Variants in RPA1 observed in about 807,000 individuals in gnomAD.
RPA1 encodes replication protein A1.
RPA1 carries 49 observed loss-of-function variants against 83.0 expected under a neutral mutation model. The ratio of observed to expected loss-of-function variants is 0.59; its 90% CI spans 0.47 to 0.75. The LOEUF (loss-of-function observed/expected upper bound fraction) is 0.75. RPA1 is among the 30% of genes least tolerant of loss of function. The pLI, the probability that RPA1 is intolerant of heterozygous loss-of-function variation, is 0.00. For synonymous variants in RPA1, 279 were observed against 281.8 expected (o/e 0.99, Z 0.10); for missense variants, 693 against 776.1 (o/e 0.89, Z 1.27).
intron 12 of RPA1, among the ~76,000 whole-genome samples, chr17:1,881,729 A>T (rs768241650): frequency 6.6e-6 from 1 of 152,230 alleles, no homozygotes; most frequent in African/African-American, 2.4e-5. Context: ...GTCAATAATC[A>T]TGATCCCAGT....
At chr17:1,832,716 G>A (rs1331785456) in intron 1 of RPA1, among the ~76,000 whole-genome samples, 2 of 152,080 alleles carry the variant, frequency 1.3e-5, no homozygotes, top group African/African-American at 4.8e-5. Context: ...ATGACTTGAG[G>A]CAAGATACTA....
intron 5 of RPA1, among the ~76,000 whole-genome samples, chr17:1,867,694 G>T (rs548908955): frequency 1.3e-5 from 2 of 151,872 alleles, no homozygotes; most frequent in African/African-American, 4.8e-5. Flanking sequence ...CTGGGTGACA[G>T]ATCAAGACCC....
intron 5 of RPA1, among the ~76,000 whole-genome samples, chr17:1,868,590 G>A (rs1222025790): frequency 1.3e-5 from 2 of 152,094 alleles, no homozygotes; most frequent in Non-Finnish European, 2.9e-5. Flanking sequence ...GGCATACATG[G>A]TGAAACCCTA....
chr17:1,894,002 T>A (rs1914295828), intron 15 of RPA1, among the ~76,000 whole-genome samples: 1 of 150,508 alleles, frequency 6.6e-6, no homozygotes, highest in Admixed American at 6.6e-5. Context: ...CTGGGACTAC[T>A]GGTACACGCC....
chr17:1,837,509 C>T (rs1435629609), intron 1 of RPA1, among the ~76,000 whole-genome samples: 1 of 152,186 alleles, frequency 6.6e-6, no homozygotes, highest in Non-Finnish European at 1.5e-5. Flanking sequence ...ATTGCTGGGT[C>T]ACAGGTAACT....
intron 5 of RPA1, among the ~76,000 whole-genome samples, chr17:1,860,705 C>T (rs1017837823): frequency 4.6e-5 from 7 of 152,070 alleles, no homozygotes; most frequent in Non-Finnish European, 7.3e-5. Context: ...GATTTGTTTC[C>T]GTCAGTTGAT....
chr17:1,873,639 C>G (rs1344916616), intron 6 of RPA1, among the ~76,000 whole-genome samples: 2 of 152,112 alleles, frequency 1.3e-5, no homozygotes, highest in Admixed American at 6.6e-5. Flanking sequence ...TGCACGTTCT[C>G]TCTCTTGCTC....
intron 14 of RPA1, among the ~76,000 whole-genome samples, chr17:1,891,476 G>A (rs868228147): frequency 9.5e-6 from 1 of 105,294 alleles, no homozygotes; most frequent in South Asian, 2.8e-4. Context: ...CTGGAGTGCA[G>A]TGGCTCGATC....
At chr17:1,863,261 G>T (rs1035502491) in intron 5 of RPA1, among the ~76,000 whole-genome samples, 8 of 150,530 alleles carry the variant, frequency 5.3e-5, no homozygotes, top group Non-Finnish European at 1.5e-5. Context: ...ACCCAGGCTG[G>T]AGTGCAATGG....
At chr17:1,841,742 A>C (rs1219729896) in intron 1 of RPA1, among the ~76,000 whole-genome samples, 2 of 152,168 alleles carry the variant, frequency 1.3e-5, no homozygotes, top group African/African-American at 4.8e-5. Flanking sequence ...TTTTACTGTT[A>C]AGTGTGATGG....
intron 6 of RPA1, among the ~76,000 whole-genome samples, 166 bp from the exon 7 acceptor site, chr17:1,875,495 C>G (rs1913538859): frequency 6.6e-6 from 1 of 152,146 alleles, no homozygotes; most frequent in Non-Finnish European, 1.5e-5. Context: ...GCCTCAGTCT[C>G]TATTTGATCT....
At chr17:1,882,159 C>T (rs186239557) in intron 12 of RPA1, among the ~76,000 whole-genome samples, 1 of 152,290 alleles carries the variant, frequency 6.6e-6, no homozygotes, top group East Asian at 1.9e-4. Flanking sequence ...CAGCTCCTCT[C>T]CGCCACCACT....
intron 5 of RPA1, among the ~76,000 whole-genome samples, chr17:1,869,023 T>C (rs905771991): frequency 3.9e-5 from 6 of 152,250 alleles, no homozygotes; most frequent in Non-Finnish European, 7.3e-5. Context: ...TCATCCATTT[T>C]CTGCCAAGAG....
intron 4 of RPA1, among the ~76,000 whole-genome samples, chr17:1,849,039 A>C (rs1475492395): frequency 1.3e-5 from 2 of 152,112 alleles, no homozygotes; most frequent in Non-Finnish European, 2.9e-5. Flanking sequence ...TTTTATAGAT[A>C]ATCTGTCTAG....
intron 5 of RPA1, among the ~76,000 whole-genome samples, chr17:1,861,728 T>C (rs1912979827): frequency 6.7e-6 from 1 of 149,318 alleles, no homozygotes. Context: ...TGCTCTCTCT[T>C]TTTTTTTTTT....
chr17:1,868,773 G>A (rs961484837), intron 5 of RPA1, among the ~76,000 whole-genome samples: 1 of 152,102 alleles, frequency 6.6e-6, no homozygotes, highest in South Asian at 2.1e-4. Context: ...GATATTTATA[G>A]AATTTTCAAA....
chr17:1,843,354 C>T (rs945419235), intron 2 of RPA1, among the ~76,000 whole-genome samples: 15 of 151,798 alleles, frequency 9.9e-5, no homozygotes, highest in African/African-American at 3.1e-4. Flanking sequence ...TGCTGCACCA[C>T]ACGCGCCGTG....
At chr17:1,839,244 A>G (rs1250078320) in intron 1 of RPA1, among the ~76,000 whole-genome samples, 1 of 152,196 alleles carries the variant, frequency 6.6e-6, no homozygotes, top group Non-Finnish European at 1.5e-5. Context: ...GCTTATGTCA[A>G]TACCACATCA....
chr17:1,881,035 G>A (rs756057796), intron 12 of RPA1, among the ~76,000 whole-genome samples: 3 of 152,208 alleles, frequency 2.0e-5, no homozygotes, highest in Non-Finnish European at 2.9e-5. Context: ...CCTCTGTGGC[G>A]TGGGGGAACA....
Sources: gnomAD v4.1 joint callset for allele counts (sites outside exome capture counted in the v4.1 genomes callset) on GRCh38, gnomAD v4.1.1 for gene constraint, MANE v1.5 for transcripts, NCBI Gene and HGNC (gene_info 2026-07-23, HGNC 2026-07-21) for gene names.